The following PATE4 variants were observed in gnomAD, a reference collection of about 807,000 sequenced individuals.
PATE4 encodes prostate and testis expressed protein 4.
Under a neutral mutation model 8.5 loss-of-function variants are expected in PATE4, and 13 were observed. The ratio of observed to expected loss-of-function variants is 1.53; its 90% CI spans 1.00 to 2.43. The LOEUF (loss-of-function observed/expected upper bound fraction) is 2.43, where lower values mean the gene tolerates loss of function less well. PATE4 is among the 30% of genes most tolerant of loss of function. The pLI, the probability that PATE4 is intolerant of heterozygous loss-of-function variation, is 0.00. For synonymous variants in PATE4, 47 were observed against 39.3 expected (o/e 1.20, Z -0.73); for missense variants, 127 against 115.5 (o/e 1.10, Z -0.46).
At chr11:125,836,851 T>C (rs927133537) in intron 1 of PATE4, among the ~76,000 whole-genome samples, 3 of 152,066 alleles carry the variant, frequency 2.0e-5, no homozygotes, top group Admixed American at 6.6e-5. Context: ...ATCCTTTCCC[T>C]CTAAATAAGA....
At chr11:125,834,863 A>G (rs747369237) in intron 1 of PATE4, 2 of 152,236 alleles carry the variant, frequency 1.3e-5, no homozygotes, top group Non-Finnish European at 2.9e-5. Context: ...ATCAAAGTGC[A>G]GAGTATGCAT....
intron 1 of PATE4, chr11:125,835,751 T>C (rs1047742049): frequency 2.6e-5 from 4 of 152,216 alleles, no homozygotes; most frequent in East Asian, 1.9e-4. Context: ...AGACAAAAGA[T>C]GACGGCACCA....
intron 1 of PATE4, among the ~76,000 whole-genome samples, chr11:125,836,174 G>A (rs1380520521): frequency 6.9e-6 from 1 of 144,680 alleles, no homozygotes; most frequent in Non-Finnish European, 1.5e-5. Flanking sequence ...AGCCTTGCCT[G>A]AAATTACCTG....
rs980263838 is a variant in PATE4, at chr11:125,839,484, C to T, written c.*1057C>T. The T allele has an allele frequency of 6.6e-6, 1 of 152,262 alleles. No homozygotes were observed. The highest frequency in any genetic ancestry group is 2.4e-5 in the African/African-American group (1 of 41,452). 9.4% of individuals were successfully genotyped at this position (152,262 alleles called of 1,614,324 possible). On this transcript the variant is annotated 3_prime_UTR_variant, in exon 3 of 3. Coordinates refer to ENST00000457514, the MANE Select transcript of PATE4 (RefSeq NM_001144874.1). ...CTAATAGCTCAATTTATCAGTTCCT[C>T]ATTAGCTTGTGTACTCACTGAAATT...
chr11:125,838,064 T>C (rs1432112498), intron 2 of PATE4, 80 bp downstream of exon 2: 4 of 1,183,530 alleles, frequency 3.4e-6, no homozygotes, highest in Admixed American at 2.0e-5. Context: ...AAGAACTCGA[T>C]ATCATTTAGC....
In PATE4 at chr11:125,838,513, A is replaced by G; in HGVS notation, c.*86A>G. The G allele has an allele frequency of 1.4e-6, 2 of 1,427,580 alleles. No individual in the cohort carries two copies. The highest frequency in any genetic ancestry group is 9.2e-7 in the Non-Finnish European group (1 of 1,083,692). The allele number at this position is 1,427,580 out of a possible 1,614,324, so 88.4% of individuals were successfully genotyped here. A position where few individuals can be genotyped will look rare whatever the true frequency, so the allele number is the denominator to read the frequency against. ...ATGAACTGTTTTATTTCCCACACCAAATTCCACACTGGCCTAAGATCCCAG... is the reference window on the plus strand; with the variant it reads ...ATGAACTGTTTTATTTCCCACACCAGATTCCACACTGGCCTAAGATCCCAG... On this transcript the variant is annotated 3_prime_UTR_variant, in exon 3 of 3. Transcript: ENST00000457514.
chr11:125,836,766 G>A (rs1321259075), intron 1 of PATE4, among the ~76,000 whole-genome samples: 1 of 152,082 alleles, frequency 6.6e-6, no homozygotes, highest in African/African-American at 2.4e-5. Flanking sequence ...ATATAAACAC[G>A]TTTATCTTTG....
intron 2 of PATE4, 94 bp from the exon 3 acceptor site, chr11:125,838,212 A>C (rs1223514302): frequency 1.5e-6 from 2 of 1,340,540 alleles, no homozygotes; most frequent in Admixed American, 2.7e-5. Flanking sequence ...AAGGAGACCC[A>C]GTGTTAAGTG....
intron 1 of PATE4, among the ~76,000 whole-genome samples, chr11:125,837,566 T>C (rs891949686): frequency 6.6e-6 from 1 of 152,244 alleles, no homozygotes; most frequent in Non-Finnish European, 1.5e-5. Context: ...TACTCTTAAT[T>C]GGCATCACAG....
At chr11:125,834,742 G>C (rs193117200) in intron 1 of PATE4, among the ~76,000 whole-genome samples, 1 of 152,200 alleles carries the variant, frequency 6.6e-6, no homozygotes, top group East Asian at 1.9e-4. Flanking sequence ...TATTGCAGCA[G>C]ATAATATCAA....
At position 125,837,995 on chromosome 11, in the gene PATE4, C is replaced by G. The variant is rs761205388; in HGVS notation, c.175+11C>G. The G allele has an allele frequency of 1.4e-5, 22 of 1,531,108 alleles. No homozygotes were observed. The South Asian group carries it at 2.5e-4, about 18-fold the overall frequency. 94.8% of individuals were successfully genotyped at this position (1,531,108 alleles called of 1,614,324 possible). On this transcript the variant is annotated intron_variant, in intron 2 of 2. Transcript: ENST00000457514. ...CAGCCTATTTCAGGGGTAAGTGGGGCTCATGAAGACTCCAAAATTGCCTGC... is the reference window on the plus strand; with the variant it reads ...CAGCCTATTTCAGGGGTAAGTGGGGGTCATGAAGACTCCAAAATTGCCTGC...
chr11:125,837,381 G>A (rs563418586), intron 1 of PATE4, among the ~76,000 whole-genome samples: 15 of 152,072 alleles, frequency 9.9e-5, no homozygotes, highest in South Asian at 6.2e-4. Flanking sequence ...TAAACATGCC[G>A]TTTTCATTCC....
chr11:125,833,996 A>G (rs1383059910), intron 1 of PATE4, among the ~76,000 whole-genome samples: 1 of 152,154 alleles, frequency 6.6e-6, no homozygotes, highest in African/African-American at 2.4e-5. Context: ...CTTAACACTC[A>G]CTAAAAATTA....
chr11:125,836,597 C>T (rs9943523), intron 1 of PATE4, among the ~76,000 whole-genome samples: 131,646 of 152,064 alleles, frequency 0.87, 57,124 homozygotes, highest in East Asian at 1. Context: ...TCATCAGGCC[C>T]CACCTTACAT....
chr11:125,834,835 G>C (rs893959249), intron 1 of PATE4, among the ~76,000 whole-genome samples: 5 of 152,092 alleles, frequency 3.3e-5, no homozygotes, highest in Admixed American at 2.6e-4. Context: ...TATACACTTA[G>C]TATACATTAT....
At chr11:125,836,384 C>T (rs1452201983) in intron 1 of PATE4, among the ~76,000 whole-genome samples, 1 of 152,126 alleles carries the variant, frequency 6.6e-6, no homozygotes, top group Non-Finnish European at 1.5e-5. Flanking sequence ...ATGTCTTTGG[C>T]CTAGGAGGGC....
At chr11:125,836,259 T>A (rs928780474) in intron 1 of PATE4, among the ~76,000 whole-genome samples, 1 of 152,118 alleles carries the variant, frequency 6.6e-6, no homozygotes, top group African/African-American at 2.4e-5. Flanking sequence ...ATTTTCTGTT[T>A]GCCCCTTTTA....
At chr11:125,835,630 A>G (rs925059657) in intron 1 of PATE4, 1 of 152,210 alleles carries the variant, frequency 6.6e-6, no homozygotes, top group African/African-American at 2.4e-5. Flanking sequence ...GAACCCGCAA[A>G]TGTTCTCCTG....
intron 1 of PATE4, chr11:125,835,369 A>G (rs1209624303): frequency 2.0e-5 from 3 of 152,186 alleles, no homozygotes; most frequent in African/African-American, 4.8e-5. Context: ...GCTGAGTTGC[A>G]TTACATACAA....
Sources: allele counts gnomAD v4.1 joint callset (sites outside exome capture counted in the v4.1 genomes callset), GRCh38; gene constraint gnomAD v4.1.1; transcripts MANE v1.5; gene names NCBI Gene and HGNC (gene_info 2026-07-23, HGNC 2026-07-21).